Variants in CYP2F1 observed in about 807,000 individuals in gnomAD.
CYP2F1 encodes cytochrome P450 family 2 subfamily F member 1.
Under a neutral mutation model 40.4 loss-of-function variants are expected in CYP2F1, and 33 were observed. The observed-to-expected ratio is 0.82, with a 90% CI of 0.62 to 1.09. The LOEUF (loss-of-function observed/expected upper bound fraction) is 1.09, where lower values mean the gene tolerates loss of function less well. Among genes scored for constraint, CYP2F1 ranks in the 50% least tolerant of loss-of-function variants. The pLI is 0.00. For missense variants in CYP2F1, 566 were observed against 655.7 expected (o/e 0.86, Z 1.49); for synonymous variants, 235 against 277.2 (o/e 0.85, Z 1.51).
rs1468936409 is a variant in CYP2F1, at chr19:41,124,254, C to A, written c.965-465C>A. ...TTTTTTTTTTTCCTCTTCCCCCCCCCCTTTTTTTTTTTTTTTTTTTTTTTT... is the reference window on the plus strand; with the variant it reads ...TTTTTTTTTTTCCTCTTCCCCCCCCACTTTTTTTTTTTTTTTTTTTTTTTT... On this transcript the variant is annotated intron_variant, in intron 7 of 9. Coordinates refer to ENST00000331105, the MANE Select transcript of CYP2F1 (RefSeq NM_000774.5). Among the ~76,000 whole-genome samples, 271 of 72,496 alleles carry A rather than the reference C, an allele frequency of 3.7e-3. 2 individuals are homozygous for A. The East Asian group carries it at 0.044, about 12-fold the overall frequency. The allele number at this position is 72,496 out of a possible 152,430, so 47.6% of individuals were successfully genotyped here.
chr19:41,122,604 T>TA (rs1486145044), intron 6 of CYP2F1, among the ~76,000 whole-genome samples: 3 of 151,968 alleles, frequency 2.0e-5, no homozygotes, highest in East Asian at 1.9e-4. Context: ...ACGTATTTTT[T>TA]AAAAAAACAA....
intron 9 of CYP2F1, among the ~76,000 whole-genome samples, chr19:41,127,502 T>G (rs939589875): frequency 6.6e-6 from 1 of 152,102 alleles, no homozygotes; most frequent in African/African-American, 2.4e-5. Context: ...TGCACATTTT[T>G]AAAATTTTTT....
chr19:41,121,967 T>A lies in CYP2F1; in HGVS notation c.656T>A (p.Ile219Asn). 1 of 1,613,322 alleles carries A rather than the reference T, an allele frequency of 6.2e-7. No individual in the cohort carries two copies. The change falls in exon 6 of 10, where the codon ATC (isoleucine) becomes AAC (asparagine). Residue 219 changes from isoleucine (I) to asparagine (N), a missense_variant. This residue lies in a region of CYP2F1 where 264 missense variants were observed against 275.7 expected (regional missense o/e 0.96). Transcript: ENST00000331105. Reference protein sequence around the residue: ...MSSPWGELYDIFPSLLDWVPG... With the variant: ...MSSPWGELYDNFPSLLDWVPG... Reference sequence around the variant, plus strand: ...CTGTCTGGTCCCCAGTTGTACGACATCTTCCCGAGCCTCCTGGACTGGGTG... The same window carrying A: ...CTGTCTGGTCCCCAGTTGTACGACAACTTCCCGAGCCTCCTGGACTGGGTG...
intron 3 of CYP2F1, among the ~76,000 whole-genome samples, chr19:41,118,941 C>T (rs935148302): frequency 1.3e-5 from 2 of 152,104 alleles, no homozygotes; most frequent in Admixed American, 6.6e-5. Flanking sequence ...ACATCTGAGA[C>T]TTTATCCTAT....
Position 41,122,877 on chromosome 19 carries a change from A to G in CYP2F1, c.878A>G (p.His293Arg), listed in dbSNP as rs773071416. 8 of 1,592,714 alleles carry G rather than the reference A, an allele frequency of 5.0e-6. No individual in the cohort carries two copies. Among genetic ancestry groups the G allele is most frequent in the East Asian group, 2.2e-5 (1 of 44,686 alleles). Reference sequence around the variant, plus strand: ...ATGGATACCCTGCTGATGACCACACATAACCTGCTCTTTGGCGGCACCAAG... The same window carrying G: ...ATGGATACCCTGCTGATGACCACACGTAACCTGCTCTTTGGCGGCACCAAG... ...FHMDTLLMTT[H>R]NLLFGGTKTV... Residue 293 changes from histidine (H) to arginine (R), a missense_variant, in exon 7 of 10, where the codon CAT (histidine) becomes CGT (arginine). Transcript: ENST00000331105.
chr19:41,114,766 C>CTCTT (rs1166400056), intron 1 of CYP2F1, among the ~76,000 whole-genome samples: 2 of 146,754 alleles, frequency 1.4e-5, no homozygotes, highest in African/African-American at 2.6e-5. Flanking sequence ...CTGTCTCCGT[C>CTCTT]TCTTTCTCTC....
At position 41,122,975 on chromosome 19, in the gene CYP2F1, C is replaced by T; in HGVS notation, c.964+12C>T. 1 of 1,610,516 alleles carries T rather than the reference C, an allele frequency of 6.2e-7. No homozygotes were observed. The highest frequency in any genetic ancestry group is 1.3e-5 in the African/African-American group (1 of 74,968). ...CCCAAAAGTTCAAGGTGAGGCCCAC[C>T]CACACAGCAGCGTGGAGGTGCCCAT... On this transcript the variant is annotated intron_variant, in intron 7 of 9. Coordinates refer to ENST00000331105, the MANE Select transcript of CYP2F1 (RefSeq NM_000774.5).
Position 41,124,944 on chromosome 19 carries a change from G to A in CYP2F1, c.1152+38G>A, listed in dbSNP as rs753505427. 1.0e-5 allele frequency: 16 copies of A among 1,554,536 alleles called. No homozygotes were observed. The East Asian group carries it at 2.0e-4, about 20-fold the overall frequency. On this transcript the variant is annotated intron_variant, in intron 8 of 9. Transcript: ENST00000331105. The stretch of plus-strand genomic sequence containing the variant: ...TGGCAAACGACATCAGGCAACCTAA[G>A]AGGAGGCATCGCAGGCTCTTGCACT...
chr19:41,119,746 TATACACAC>T (rs1196461856), intron 3 of CYP2F1, among the ~76,000 whole-genome samples: 66 of 54,192 alleles, frequency 1.2e-3, no homozygotes, highest in African/African-American at 2.6e-3. Context: ...TATATATATA[TATACACAC>T]ACACACACAC....
chr19:41,119,744 TATATACACACACACAC>T (rs1397946180), intron 3 of CYP2F1, among the ~76,000 whole-genome samples: 67 of 63,890 alleles, frequency 1.0e-3, no homozygotes, highest in African/African-American at 3.3e-3. Context: ...TATATATATA[TATATACACACACACAC>T]ACACACACAC....
At position 41,128,334 on chromosome 19, in the gene CYP2F1, T is replaced by C. The variant is rs969828919; in HGVS notation, c.*252T>C. On this transcript the variant is annotated 3_prime_UTR_variant, in exon 10 of 10. Transcript: ENST00000331105. ...GGCACGCCCTTTTCTAGGCTTTTTGTATCATTTCTTAGTACATTGTAATAG... is the reference window on the plus strand; with the variant it reads ...GGCACGCCCTTTTCTAGGCTTTTTGCATCATTTCTTAGTACATTGTAATAG... The C allele has an allele frequency of 9.3e-6, 4 of 431,986 alleles. No homozygotes were observed. Among genetic ancestry groups the C allele is most frequent in the Non-Finnish European group, 1.6e-5 (4 of 252,338 alleles). 26.8% of individuals were successfully genotyped at this position (431,986 alleles called of 1,614,324 possible). A position where few individuals can be genotyped will look rare whatever the true frequency, so the allele number is the denominator to read the frequency against.
intron 3 of CYP2F1, among the ~76,000 whole-genome samples, chr19:41,119,187 T>C (rs2031992112): frequency 6.6e-6 from 1 of 152,184 alleles, no homozygotes; most frequent in African/African-American, 2.4e-5. Flanking sequence ...GAAAGTGCTC[T>C]GGGAAAGACC....
At chr19:41,115,597 TGATA>T (rs1408330464) in intron 1 of CYP2F1, among the ~76,000 whole-genome samples, 1 of 152,102 alleles carries the variant, frequency 6.6e-6, no homozygotes, top group East Asian at 1.9e-4. Context: ...AGTAGATAGA[TGATA>T]GATATAGATA....
intron 3 of CYP2F1, among the ~76,000 whole-genome samples, chr19:41,117,155 G>A (rs1316765223): frequency 6.6e-6 from 1 of 151,444 alleles, no homozygotes; most frequent in Non-Finnish European, 1.5e-5. Flanking sequence ...TATCTGAGAT[G>A]AGTCTTGCTC....
intron 3 of CYP2F1, 138 bp downstream of exon 3, chr19:41,116,755 A>G: frequency 9.9e-7 from 1 of 1,014,210 alleles, no homozygotes; most frequent in Non-Finnish European, 1.4e-6. Flanking sequence ...CAATGCAGCG[A>G]GGCAGTGTTG....
At chr19:41,124,997 TG>T in intron 8 of CYP2F1, 91 bp downstream of exon 8, 2 of 1,166,732 alleles carry the variant, frequency 1.7e-6, no homozygotes, top group Non-Finnish European at 2.4e-6. Context: ...GCACTAGCCA[TG>T]AACACCCCAG....
Position 41,116,731 on chromosome 19 carries a change from G to A in CYP2F1, c.334+114G>A, listed in dbSNP as rs1163713384. On this transcript the variant is annotated intron_variant, in intron 3 of 9. Transcript: ENST00000331105. ...GACACTCAGGGCTGCTGACATCACTGATGACACCAAATGCAATGCAGCGAG... is the reference window on the plus strand; with the variant it reads ...GACACTCAGGGCTGCTGACATCACTAATGACACCAAATGCAATGCAGCGAG... 4 of 1,206,610 alleles carry A rather than the reference G, an allele frequency of 3.3e-6. No homozygotes were observed. The East Asian group carries it at 7.6e-5, about 23-fold the overall frequency. The allele number at this position is 1,206,610 out of a possible 1,614,324, so 74.7% of individuals were successfully genotyped here. A position where few individuals can be genotyped will look rare whatever the true frequency, so the allele number is the denominator to read the frequency against.
chr19:41,125,379 A>T, intron 8 of CYP2F1, 114 bp from the exon 9 acceptor site: 1 of 618,752 alleles, frequency 1.6e-6, no homozygotes, highest in South Asian at 2.0e-5. Context: ...TCCTATACCC[A>T]CCTATACCCA....
chr19:41,120,585 C>G, intron 4 of CYP2F1, 89 bp downstream of exon 4: 1 of 1,404,176 alleles, frequency 7.1e-7, no homozygotes, highest in Non-Finnish European at 9.9e-7. Flanking sequence ...GGGCCCAAAC[C>G]ATCCTCCCAC....
Sources: gnomAD v4.1 joint callset for allele counts (sites outside exome capture counted in the v4.1 genomes callset) on GRCh38, gnomAD v4.1.1 for gene constraint, gnomAD v4.1.1 regional missense constraint, MANE v1.5 for transcripts, NCBI Gene and HGNC (gene_info 2026-07-23, HGNC 2026-07-21) for gene names.